CRPPA: variants seen among roughly 807,000 people sequenced by gnomAD.
The protein encoded by CRPPA is D-ribitol-5-phosphate cytidylyltransferase.
CRPPA carries 43 observed loss-of-function variants against 52.0 expected under a neutral mutation model. The ratio of observed to expected loss-of-function variants is 0.83; its 90% CI spans 0.65 to 1.07. The LOEUF (loss-of-function observed/expected upper bound fraction) is 1.07. Ranked by LOEUF, CRPPA falls within the 50% of genes least tolerant of loss-of-function variation. The pLI, the probability that CRPPA is intolerant of heterozygous loss-of-function variation, is 0.00. For missense variants in CRPPA, 629 were observed against 551.7 expected, an observed-to-expected ratio of 1.14 and a Z score of -1.40; for synonymous variants, 250 against 203.5, an observed-to-expected ratio of 1.23 and a Z score of -1.94.
chr7:16,354,957 A>G (rs978491475), intron 3 of CRPPA, among the ~76,000 whole-genome samples: 1 of 152,214 alleles, frequency 6.6e-6, no homozygotes, highest in Admixed American at 6.5e-5. Flanking sequence ...ATGCTATAAA[A>G]ATGTACAGCC....
In CRPPA at chr7:16,421,449, A is replaced by C; in HGVS notation, c.-127T>G. The stretch of plus-strand genomic sequence containing the variant: ...GAGGGACGCAGAGCGCGCAAGCAGA[A>C]GGCGCCCCCCTCAGCCGTCGGAGCC... On this transcript the variant is annotated 5_prime_UTR_variant, in exon 1 of 10. Coordinates refer to ENST00000407010, the MANE Select transcript of CRPPA (RefSeq NM_001101426.4). The C allele has an allele frequency of 1.0e-6, 1 of 968,648 alleles. No homozygotes were observed. The highest frequency in any genetic ancestry group is 3.6e-5 in the East Asian group (1 of 27,776). The allele number at this position is 968,648 out of a possible 1,614,324, so 60.0% of individuals were successfully genotyped here.
At chr7:16,386,617 G>T (rs935287614) in intron 2 of CRPPA, among the ~76,000 whole-genome samples, 2 of 152,112 alleles carry the variant, frequency 1.3e-5, no homozygotes, top group Admixed American at 6.6e-5. Context: ...AGGTGGATAG[G>T]GATAAAGGTG....
chr7:16,109,901 G>A (rs1305215410), intron 9 of CRPPA, among the ~76,000 whole-genome samples: 1 of 151,906 alleles, frequency 6.6e-6, no homozygotes, highest in African/African-American at 2.4e-5. Context: ...AAGACAACAT[G>A]CCCACACTTA....
At chr7:16,105,890 C>A (rs1040944960) in intron 9 of CRPPA, among the ~76,000 whole-genome samples, 1 of 152,192 alleles carries the variant, frequency 6.6e-6, no homozygotes, top group South Asian at 2.1e-4. Flanking sequence ...ACCCAATGAC[C>A]CCATTCAGGA....
chr7:16,391,049 T>C (rs1026877110), intron 2 of CRPPA, among the ~76,000 whole-genome samples: 1 of 152,102 alleles, frequency 6.6e-6, no homozygotes, highest in Non-Finnish European at 1.5e-5. Context: ...TCCAAACCTA[T>C]ATATCCAGCC....
At chr7:16,242,043 G>A (rs1228427486) in intron 8 of CRPPA, among the ~76,000 whole-genome samples, 3 of 129,586 alleles carry the variant, frequency 2.3e-5, no homozygotes, top group African/African-American at 5.9e-5. Flanking sequence ...ACTGCCCCCC[G>A]GGTTCCAGCG....
At chr7:16,163,078 A>T (rs969865119) in intron 9 of CRPPA, among the ~76,000 whole-genome samples, 3 of 142,484 alleles carry the variant, frequency 2.1e-5, no homozygotes, top group African/African-American at 7.9e-5. Flanking sequence ...GGTTCACACC[A>T]TTCTCCTGCC....
At chr7:16,248,378 G>A (rs1783339062) in intron 8 of CRPPA, among the ~76,000 whole-genome samples, 1 of 152,084 alleles carries the variant, frequency 6.6e-6, no homozygotes, top group Non-Finnish European at 1.5e-5. Context: ...CTGTCTTTGT[G>A]CATTTGGTGG....
intron 9 of CRPPA, among the ~76,000 whole-genome samples, chr7:16,211,134 G>A (rs1174609511): frequency 1.3e-5 from 2 of 152,146 alleles, no homozygotes; most frequent in South Asian, 2.1e-4. Flanking sequence ...TGTAGCAGAA[G>A]GTGTGTGTTT....
intron 8 of CRPPA, among the ~76,000 whole-genome samples, chr7:16,245,489 C>T (rs1219815551): frequency 6.6e-6 from 1 of 152,208 alleles, no homozygotes; most frequent in Non-Finnish European, 1.5e-5. Context: ...ACAATTCAAA[C>T]ACCCAGACAC....
At chr7:16,326,146 G>T (rs1048699943) in intron 3 of CRPPA, among the ~76,000 whole-genome samples, 5 of 150,900 alleles carry the variant, frequency 3.3e-5, no homozygotes, top group African/African-American at 1.2e-4. Context: ...CTCTGAAAGA[G>T]CTATATATTC....
chr7:16,191,393 T>C (rs1562548438), intron 9 of CRPPA, among the ~76,000 whole-genome samples: 2 of 152,150 alleles, frequency 1.3e-5, no homozygotes, highest in South Asian at 2.1e-4. Context: ...AACACCCATA[T>C]ATTTGAACAT....
chr7:16,303,736 A>G (rs1784844217), intron 4 of CRPPA, among the ~76,000 whole-genome samples: 2 of 152,200 alleles, frequency 1.3e-5, no homozygotes, highest in African/African-American at 4.8e-5. Flanking sequence ...AAATATCTGA[A>G]GAGAAACAAT....
At chr7:16,114,014 C>T (rs1262768306) in intron 9 of CRPPA, among the ~76,000 whole-genome samples, 2 of 151,916 alleles carry the variant, frequency 1.3e-5, no homozygotes, top group East Asian at 1.9e-4. Context: ...TGGGTAAGAA[C>T]AGTAGCATAA....
chr7:16,398,827 G>C (rs985132225), intron 2 of CRPPA, among the ~76,000 whole-genome samples: 6 of 152,192 alleles, frequency 3.9e-5, no homozygotes, highest in African/African-American at 1.4e-4. Context: ...CAATACGTTT[G>C]ACACGTGACT....
chr7:16,342,799 C>CATATATAGATATATAGATATATAGA, intron 3 of CRPPA, among the ~76,000 whole-genome samples: 2 of 104,466 alleles, frequency 1.9e-5, no homozygotes, highest in Non-Finnish European at 3.8e-5. Flanking sequence ...ATATATATAT[C>CATATATAGATATATAGATATATAGA]TATATAGATA....
At chr7:16,342,698 T>G (rs2128306211) in intron 3 of CRPPA, among the ~76,000 whole-genome samples, 1 of 144,904 alleles carries the variant, frequency 6.9e-6, no homozygotes, top group African/African-American at 2.6e-5. Flanking sequence ...GCAGATCACC[T>G]CAAGAGGTGA....
At chr7:16,271,476 T>C (rs2128416146) in intron 6 of CRPPA, among the ~76,000 whole-genome samples, 1 of 152,230 alleles carries the variant, frequency 6.6e-6, no homozygotes, top group Admixed American at 6.5e-5. Flanking sequence ...GTAGAAGTGG[T>C]AAACTCAACA....
At chr7:16,161,550 G>C (rs1381721464) in intron 9 of CRPPA, among the ~76,000 whole-genome samples, 1 of 152,168 alleles carries the variant, frequency 6.6e-6, no homozygotes, top group Non-Finnish European at 1.5e-5. Flanking sequence ...GATCATGGTG[G>C]ATAAGTTTTT....
Sources: gnomAD v4.1 joint callset for allele counts (sites outside exome capture counted in the v4.1 genomes callset) on GRCh38, gnomAD v4.1.1 for gene constraint, MANE v1.5 for transcripts, NCBI Gene and HGNC (gene_info 2026-07-23, HGNC 2026-07-21) for gene names.